Variants in PIK3C2G observed in about 807,000 individuals in gnomAD.
PIK3C2G encodes the protein phosphatidylinositol 3-kinase C2 domain-containing subunit gamma.
In PIK3C2G, 168 loss-of-function variants were observed where a neutral mutation model predicts 181.1. The ratio of observed to expected loss-of-function variants is 0.93; its 90% CI spans 0.82 to 1.05. The LOEUF (loss-of-function observed/expected upper bound fraction) is 1.05. Among genes scored for constraint, PIK3C2G ranks in the 50% least tolerant of loss-of-function variants. The pLI is 0.00. For synonymous variants in PIK3C2G, 573 were observed against 592.2 expected (o/e 0.97, Z 0.47); for missense variants, 1,869 against 1,732.8 (o/e 1.08, Z -1.40).
At chr12:18,471,145 C>A (rs1480553453) in intron 18 of PIK3C2G, among the ~76,000 whole-genome samples, 1 of 152,078 alleles carries the variant, frequency 6.6e-6, no homozygotes, top group African/African-American at 2.4e-5. Flanking sequence ...AAAACTTGTA[C>A]TCATTTTGAC....
intron 11 of PIK3C2G, among the ~76,000 whole-genome samples, chr12:18,347,919 T>C (rs748454032): frequency 4.6e-5 from 7 of 151,716 alleles, no homozygotes; most frequent in African/African-American, 4.8e-5. Context: ...ATTTTACCTA[T>C]GTATATAAAA....
At chr12:18,502,108 T>A (rs1447404) in intron 22 of PIK3C2G, among the ~76,000 whole-genome samples, 60,691 of 151,976 alleles carry the variant, frequency 0.4, 12,650 homozygotes, top group African/African-American at 0.52. Flanking sequence ...GAGAAGTGTC[T>A]TGATACTATG....
At chr12:18,299,248 TCTTTTACCC>T (rs1950074171) in intron 5 of PIK3C2G, among the ~76,000 whole-genome samples, 1 of 152,104 alleles carries the variant, frequency 6.6e-6, no homozygotes. Flanking sequence ...CTTGCAGAGG[TCTTTTACCC>T]CTTTGGTTAA....
At chr12:18,453,078 G>A (rs1344247137) in intron 18 of PIK3C2G, among the ~76,000 whole-genome samples, 1 of 152,092 alleles carries the variant, frequency 6.6e-6, no homozygotes, top group Non-Finnish European at 1.5e-5. Flanking sequence ...ATGTCTATTA[G>A]GTTTGCTTGG....
chr12:18,554,373 A>G (rs1944893367), intron 26 of PIK3C2G, among the ~76,000 whole-genome samples: 1 of 152,070 alleles, frequency 6.6e-6, no homozygotes. Context: ...TCAAATTGGC[A>G]TACCACGCTA....
At chr12:18,689,001 AAAAG>A in the PIK3C2G span, among the ~76,000 whole-genome samples, 2 of 152,084 alleles carry the variant, frequency 1.3e-5, no homozygotes, top group African/African-American at 4.8e-5. Flanking sequence ...GAAGGAGTAG[AAAAG>A]AAAGGAAAAG....
the PIK3C2G span, among the ~76,000 whole-genome samples, chr12:18,690,081 T>C: frequency 3.3e-5 from 5 of 152,120 alleles, no homozygotes; most frequent in Non-Finnish European, 5.9e-5. Flanking sequence ...ACTTTCTCAA[T>C]AAAAGAGCAC....
chr12:18,556,833 G>A (rs1380153729), intron 26 of PIK3C2G, among the ~76,000 whole-genome samples: 1 of 152,108 alleles, frequency 6.6e-6, no homozygotes, highest in African/African-American at 2.4e-5. Context: ...TGGGATCAGA[G>A]TCATATTTTA....
At chr12:18,298,652 C>T (rs1263227604) in intron 5 of PIK3C2G, among the ~76,000 whole-genome samples, 1 of 151,540 alleles carries the variant, frequency 6.6e-6, no homozygotes, top group Non-Finnish European at 1.5e-5. Flanking sequence ...TTATCTTATG[C>T]TTTCTTCTAG....
chr12:18,375,132 A>G (rs1228992122), intron 13 of PIK3C2G, among the ~76,000 whole-genome samples: 3 of 152,166 alleles, frequency 2.0e-5, no homozygotes, highest in Admixed American at 1.3e-4. Flanking sequence ...CAGAGGTTGA[A>G]AGTTTGGAGC....
chr12:18,696,202 TG>T, the PIK3C2G span: 1 of 1,601,520 alleles, frequency 6.2e-7, no homozygotes, highest in Non-Finnish European at 8.5e-7. Flanking sequence ...TAGAAGAGTC[TG>T]CTCTTGTTGC....
chr12:18,416,434 A>G (rs904760526), intron 16 of PIK3C2G, among the ~76,000 whole-genome samples: 1 of 152,154 alleles, frequency 6.6e-6, no homozygotes, highest in Non-Finnish European at 1.5e-5. Context: ...ACAACCTTCT[A>G]TTGGAAAAAG....
Position 18,503,301 on chromosome 12 carries a change from G to A in PIK3C2G, c.3037G>A (p.Asp1013Asn). The change falls in exon 23 of 33, where the codon GAT becomes AAT. Residue 1013 changes from aspartate to asparagine, a missense_variant. By Grantham distance (23) the Asp-to-Asn change is conservative. Coordinates refer to ENST00000538779, the MANE Select transcript of PIK3C2G (RefSeq NM_001288772.2). ...ACCAGGATTGGTGCAGATGGTACCT[G>A]ATGCTGTGACCCTAGCAAAGATTCA... ...KDQGLVQMVPDAVTLAKIHRH... is the reference protein window; with the variant it reads ...KDQGLVQMVPNAVTLAKIHRH... 1.2e-6 allele frequency: 2 copies of A among 1,609,994 alleles called. No homozygotes were observed. The highest frequency in any genetic ancestry group is 8.5e-7 in the Non-Finnish European group (1 of 1,177,756).
chr12:18,365,804 A>C (rs1030304987), intron 12 of PIK3C2G, among the ~76,000 whole-genome samples: 2 of 152,170 alleles, frequency 1.3e-5, no homozygotes, highest in East Asian at 3.9e-4. Flanking sequence ...AATATATCCT[A>C]AACTAAATTT....
At chr12:18,309,510 T>C (rs183003677) in intron 5 of PIK3C2G, among the ~76,000 whole-genome samples, 1 of 151,948 alleles carries the variant, frequency 6.6e-6, no homozygotes, top group Non-Finnish European at 1.5e-5. Flanking sequence ...AGTTTGCCTG[T>C]AATTCTCTCA....
Position 18,586,037 on chromosome 12 carries a change from A to G in PIK3C2G, c.4012-8457A>G, listed in dbSNP as rs532094786. ...TACAACATACCAAAATTTCTGGGACACAGCTAAAGCAGTGTTAAGAGGGAC... is the reference window on the plus strand; with the variant it reads ...TACAACATACCAAAATTTCTGGGACGCAGCTAAAGCAGTGTTAAGAGGGAC... On this transcript the variant is annotated intron_variant, in intron 29 of 32. Transcript: ENST00000538779. Among the ~76,000 whole-genome samples, 261 of 152,304 alleles carry G rather than the reference A, an allele frequency of 1.7e-3. 1 individual carries two copies. The highest frequency in any genetic ancestry group is 2.2e-3 in the Admixed American group (34 of 15,286).
chr12:18,373,597 C>T (rs1565649571), intron 13 of PIK3C2G, among the ~76,000 whole-genome samples: 1 of 152,118 alleles, frequency 6.6e-6, no homozygotes, highest in Non-Finnish European at 1.5e-5. Flanking sequence ...CGCCTGTAAT[C>T]CCAGCACTTT....
chr12:18,673,296 A>C, the PIK3C2G span, among the ~76,000 whole-genome samples: 1 of 152,188 alleles, frequency 6.6e-6, no homozygotes, highest in Non-Finnish European at 1.5e-5. Flanking sequence ...TTCAAATTTC[A>C]CATTTGAAAT....
the PIK3C2G span, among the ~76,000 whole-genome samples, chr12:18,711,894 T>C: frequency 1.4e-4 from 21 of 152,134 alleles, no homozygotes; most frequent in Admixed American, 5.2e-4. Flanking sequence ...ATACTCTCAA[T>C]GTTTTTATAT....
Sources: allele counts gnomAD v4.1 joint callset (sites outside exome capture counted in the v4.1 genomes callset), GRCh38; gene constraint gnomAD v4.1.1; transcripts MANE v1.5; gene names NCBI Gene and HGNC (gene_info 2026-07-23, HGNC 2026-07-21).